Variants in EMB observed in about 807,000 individuals in gnomAD.
The protein encoded by EMB is embigin, also known as embigin homolog.
A neutral mutation model predicts 41.4 loss-of-function variants in EMB; 31 were observed. The observed-to-expected ratio is 0.75, with a 90% CI of 0.56 to 1.01. The LOEUF is 1.01. Ranked by LOEUF, EMB falls within the 50% of genes least tolerant of loss-of-function variation. The pLI, the probability that EMB is intolerant of heterozygous loss-of-function variation, is 0.00. For synonymous variants in EMB, 137 were observed against 140.4 expected (o/e 0.98, Z 0.17); for missense variants, 379 against 388.3 (o/e 0.98, Z 0.20).
chr5:50,422,285 A>G (rs1213916113), intron 2 of EMB, among the ~76,000 whole-genome samples: 9 of 152,220 alleles, frequency 5.9e-5, no homozygotes, highest in Non-Finnish European at 1.2e-4. Flanking sequence ...GGATTGGAGT[A>G]AAAGAGAAAT....
chr5:50,410,732 C>T, intron 4 of EMB, 145 bp downstream of exon 4: 1 of 489,608 alleles, frequency 2.0e-6, no homozygotes, highest in Non-Finnish European at 3.5e-6. Context: ...TTCAAGGCTG[C>T]CTCTTGTGGC....
upstream of EMB, among the ~76,000 whole-genome samples, chr5:50,441,863 C>G (rs1312443857): frequency 6.6e-6 from 1 of 152,136 alleles, no homozygotes; most frequent in African/African-American, 2.4e-5. Flanking sequence ...TGAGGAGCCA[C>G]CTAGAGCTCA....
At chr5:50,431,339 T>A (rs1027621975) in intron 1 of EMB, among the ~76,000 whole-genome samples, 21 of 152,210 alleles carry the variant, frequency 1.4e-4, no homozygotes, top group Non-Finnish European at 2.9e-5. Context: ...AAAGTGAGAA[T>A]GTAAACCTTA....
At chr5:50,421,526 C>G (rs567682103) in intron 2 of EMB, among the ~76,000 whole-genome samples, 9 of 151,970 alleles carry the variant, frequency 5.9e-5, no homozygotes, top group Non-Finnish European at 1.0e-4. Context: ...ACCATTTGAC[C>G]CAGCCATCCC....
At chr5:50,411,892 G>A (rs1447358807) in intron 2 of EMB, 2 of 152,216 alleles carry the variant, frequency 1.3e-5, no homozygotes, top group African/African-American at 4.8e-5. Flanking sequence ...GTCTTCTTCA[G>A]AACCTGTAAG....
intron 4 of EMB, among the ~76,000 whole-genome samples, chr5:50,409,667 A>G (rs1745303288): frequency 6.6e-6 from 1 of 151,488 alleles, no homozygotes; most frequent in South Asian, 2.1e-4. Flanking sequence ...AAAGGAAAAG[A>G]GAGATTAAGG....
chr5:50,436,757 G>A (rs1308115930), intron 1 of EMB, among the ~76,000 whole-genome samples: 3 of 152,156 alleles, frequency 2.0e-5, no homozygotes, highest in Non-Finnish European at 2.9e-5. Context: ...GTCCCCTTGG[G>A]CTCCACCCAC....
At chr5:50,439,487 ATT>A (rs35139912) in intron 1 of EMB, among the ~76,000 whole-genome samples, 21,895 of 137,482 alleles carry the variant, frequency 0.16, 1,834 homozygotes, top group African/African-American at 0.21. Flanking sequence ...CGCACTTTTA[ATT>A]TTTTTTTTTT....
chr5:50,440,812 C>A (rs1395363188), intron 1 of EMB, among the ~76,000 whole-genome samples: 2 of 152,090 alleles, frequency 1.3e-5, no homozygotes, highest in African/African-American at 2.4e-5. Flanking sequence ...TCAAGACTCG[C>A]CCCAAAGAGC....
chr5:50,430,179 T>C (rs1286891866), intron 1 of EMB, among the ~76,000 whole-genome samples: 2 of 152,214 alleles, frequency 1.3e-5, no homozygotes, highest in South Asian at 2.1e-4. Flanking sequence ...TATTCACTTA[T>C]GGACAGGAAG....
chr5:50,442,284 G>T (rs370040231), upstream of EMB, among the ~76,000 whole-genome samples: 45 of 152,098 alleles, frequency 3.0e-4, no homozygotes, highest in South Asian at 9.3e-3. Context: ...TTTATTCCAG[G>T]CAGGAATGGT....
chr5:50,414,528 CAAAAAAAAAA>C (rs34645448), intron 2 of EMB, among the ~76,000 whole-genome samples: 11 of 46,708 alleles, frequency 2.4e-4, no homozygotes, highest in South Asian at 2.2e-3. Flanking sequence ...CTGTCTCAGG[CAAAAAAAAAA>C]AAAAAAAAAA....
chr5:50,409,037 T>G (rs181217382), intron 4 of EMB, among the ~76,000 whole-genome samples: 106 of 152,186 alleles, frequency 7.0e-4, no homozygotes, highest in Admixed American at 9.8e-4. Flanking sequence ...CTAAACTGCT[T>G]CAAGACAACT....
intron 6 of EMB, 21 bp from the exon 7 acceptor site, chr5:50,402,340 TTGAC>T (rs1285455549): frequency 6.2e-7 from 1 of 1,607,234 alleles, no homozygotes; most frequent in Non-Finnish European, 8.5e-7. Flanking sequence ...AAAGAAGAAT[TTGAC>T]TGTGAAGTTG....
intron 1 of EMB, among the ~76,000 whole-genome samples, chr5:50,437,928 T>C (rs2111875033): frequency 6.6e-6 from 1 of 152,372 alleles, no homozygotes; most frequent in East Asian, 1.9e-4. Context: ...CTCCCACTGA[T>C]ATATCCTTTA....
chr5:50,405,103 C>A (rs1745226888), intron 5 of EMB, among the ~76,000 whole-genome samples: 1 of 151,790 alleles, frequency 6.6e-6, no homozygotes. Flanking sequence ...AGAAAGGAAA[C>A]CAGAAATTAT....
At chr5:50,419,997 G>C (rs1456528852) in intron 2 of EMB, among the ~76,000 whole-genome samples, 9 of 150,872 alleles carry the variant, frequency 6.0e-5, no homozygotes, top group Non-Finnish European at 1.0e-4. Flanking sequence ...CATGGACACA[G>C]GGAGGGGAAC....
intron 1 of EMB, among the ~76,000 whole-genome samples, chr5:50,435,787 T>C (rs1352562253): frequency 6.6e-6 from 1 of 152,220 alleles, no homozygotes; most frequent in Non-Finnish European, 1.5e-5. Context: ...TTTTTTAATT[T>C]GCTTCAGTTG....
chr5:50,411,567 A>G (rs1424284800), intron 2 of EMB, 184 bp from the exon 3 acceptor site: 1 of 464,240 alleles, frequency 2.2e-6, no homozygotes, highest in Non-Finnish European at 3.8e-6. Flanking sequence ...TGCACACCTA[A>G]AGAAAAGTTT....
Sources: allele counts gnomAD v4.1 joint callset (sites outside exome capture counted in the v4.1 genomes callset), GRCh38; gene constraint gnomAD v4.1.1; transcripts MANE v1.5; gene names NCBI Gene and HGNC (gene_info 2026-07-23, HGNC 2026-07-21).